NNT: variants seen among roughly 807,000 people sequenced by gnomAD.
NNT encodes the protein NAD(P) transhydrogenase, mitochondrial.
Under a neutral mutation model 104.8 loss-of-function variants are expected in NNT, and 50 were observed. The observed-to-expected ratio is 0.48, with a 90% confidence interval of 0.38 to 0.60. NNT has a LOEUF of 0.60. Among genes scored for constraint, NNT ranks in the 20% least tolerant of loss-of-function variants. NNT has a pLI of 0.00. For missense variants in NNT, 1,131 were observed against 1,330.7 expected, an observed-to-expected ratio of 0.85 and a Z score of 2.33; for synonymous variants, 461 against 490.4, an observed-to-expected ratio of 0.94 and a Z score of 0.79.
intron 19 of NNT, among the ~76,000 whole-genome samples, chr5:43,687,329 A>G (rs544763358): frequency 5.9e-5 from 9 of 152,308 alleles, no homozygotes; most frequent in Non-Finnish European, 1.2e-4. Context: ...GATAATGTTC[A>G]TAGTTGAAAG....
chr5:43,630,188 A>T (rs1183634344), intron 7 of NNT, among the ~76,000 whole-genome samples: 1 of 152,188 alleles, frequency 6.6e-6, no homozygotes, highest in Non-Finnish European at 1.5e-5. Flanking sequence ...ATTCTTCTGC[A>T]TGTGGCTTGC....
At chr5:43,635,894 CAT>C (rs1263760609) in intron 7 of NNT, among the ~76,000 whole-genome samples, 1 of 152,156 alleles carries the variant, frequency 6.6e-6, no homozygotes, top group Admixed American at 6.6e-5. Context: ...AGGGCGTCAA[CAT>C]AGGAATTTTG....
At chr5:43,703,606 T>A (rs903208361) in intron 21 of NNT, among the ~76,000 whole-genome samples, 3 of 152,176 alleles carry the variant, frequency 2.0e-5, no homozygotes, top group Non-Finnish European at 4.4e-5. Flanking sequence ...AGACTTTTCA[T>A]TTCATTAAGA....
chr5:43,624,008 C>T (rs1750231966), intron 5 of NNT, 24 bp from the exon 6 acceptor site: 1 of 1,608,934 alleles, frequency 6.2e-7, no homozygotes, highest in South Asian at 1.1e-5. Context: ...TGAGCCTTAA[C>T]ACATAACTGG....
rs1296473676 is a variant in NNT at position 43,699,084 on chromosome 5, A to G, written c.2877-1035A>G. On this transcript the variant is annotated intron_variant, in intron 19 of 21. Transcript: ENST00000344920. ...CTATGTGCCACACACTGTTCTTAGT[A>G]CTGTGGAGACAGATAAATACTGGGC... Among the ~76,000 whole-genome samples, 3 of 152,174 alleles carry G rather than the reference A, an allele frequency of 2.0e-5. No homozygotes were observed. The East Asian group carries it at 5.8e-4, about 29-fold the overall frequency.
intron 17 of NNT, among the ~76,000 whole-genome samples, chr5:43,663,445 C>G (rs1396448786): frequency 6.6e-6 from 1 of 152,190 alleles, no homozygotes; most frequent in Non-Finnish European, 1.5e-5. Context: ...CAGAAACCAA[C>G]AAATACAAGC....
chr5:43,697,698 G>A lies in NNT; in HGVS notation c.2877-2421G>A, dbSNP rs762702608. Among the ~76,000 whole-genome samples the A allele has an allele frequency of 2.6e-5, 4 of 152,164 alleles. No individual in the cohort carries two copies. The East Asian group carries it at 5.8e-4, about 22-fold the overall frequency. ...CATTCATGGCAGAAGGCAAGGAGGA[G>A]CAAGTCACATCTTATGTGGATGGTG... On this transcript the variant is annotated intron_variant, in intron 19 of 21. Coordinates refer to ENST00000344920, the MANE Select transcript of NNT (RefSeq NM_182977.3).
chr5:43,633,658 C>T (rs893027078), intron 7 of NNT, among the ~76,000 whole-genome samples: 3 of 152,174 alleles, frequency 2.0e-5, no homozygotes, highest in Non-Finnish European at 2.9e-5. Flanking sequence ...TTTATGCCAG[C>T]GCTTGGCATA....
At position 43,610,165 on chromosome 5, in the gene NNT, A is replaced by G. The variant is rs1272421263; in HGVS notation, c.151+819A>G. Among the ~76,000 whole-genome samples the G allele has an allele frequency of 8.6e-5, 13 of 150,910 alleles. 1 individual carries two copies. Among genetic ancestry groups the G allele is most frequent in the Admixed American group, 7.9e-4 (12 of 15,162 alleles). On this transcript the variant is annotated intron_variant, in intron 2 of 21. Transcript: ENST00000344920. ...GTACAGGCCAGAAGGAGGAGAGGCT[A>G]AAAAGGGGCCCTTCTAAACCAAGTC... is the stretch of plus-strand genomic sequence containing the variant.
chr5:43,613,280 C>T (rs181574076), intron 3 of NNT, 143 bp downstream of exon 3: 23 of 633,416 alleles, frequency 3.6e-5, no homozygotes, highest in East Asian at 3.4e-4. Context: ...GACTGCATGT[C>T]GTCATATTCT....
At position 43,666,757 on chromosome 5, in the gene NNT, A is replaced by C. The variant is rs981893104; in HGVS notation, c.2634+7407A>C. The C allele has an allele frequency of 2.4e-6, 3 of 1,263,370 alleles. No individual in the cohort carries two copies. The East Asian group carries it at 6.9e-5, about 29-fold the overall frequency. 78.3% of individuals were successfully genotyped at this position (1,263,370 alleles called of 1,614,324 possible). ...CCAGTCCTTCTGTCCTCACGTTGGC[A>C]GAGATATCTACTCTGAAGGCTTTGT... On this transcript the variant is annotated intron_variant, in intron 17 of 21. Coordinates refer to ENST00000344920, the MANE Select transcript of NNT (RefSeq NM_182977.3).
At chr5:43,646,495 C>T (rs1739451385) in intron 10 of NNT, among the ~76,000 whole-genome samples, 1 of 149,322 alleles carries the variant, frequency 6.7e-6, no homozygotes, top group Non-Finnish European at 1.5e-5. Flanking sequence ...GACGGGGCTT[C>T]ACCGTGTTGC....
intron 16 of NNT, 95 bp downstream of exon 16, chr5:43,656,908 C>T: frequency 2.6e-6 from 3 of 1,175,994 alleles, no homozygotes; most frequent in Non-Finnish European, 2.4e-6. Flanking sequence ...TCTTCAAGAA[C>T]CTTGATGGAA....
chr5:43,666,408 C>G (rs549446134), intron 17 of NNT, among the ~76,000 whole-genome samples: 12 of 152,170 alleles, frequency 7.9e-5, no homozygotes, highest in Non-Finnish European at 1.3e-4. Flanking sequence ...CCGGCCAACA[C>G]GGCGAAACCC....
At chr5:43,667,101 G>A (rs1349937014) in intron 17 of NNT, 3 of 1,556,144 alleles carry the variant, frequency 1.9e-6, no homozygotes, top group Non-Finnish European at 2.6e-6. Context: ...TCTTGGCAAA[G>A]TGCATGTTCC....
chr5:43,695,849 C>G (rs1166927768), intron 19 of NNT, among the ~76,000 whole-genome samples: 1 of 152,100 alleles, frequency 6.6e-6, no homozygotes, highest in Non-Finnish European at 1.5e-5. Flanking sequence ...CAGGGAAACT[C>G]CTTCTTATAA....
rs145992514 is a variant in NNT, at chr5:43,697,842, C to G, written c.2877-2277C>G. 5.7e-3 allele frequency among the ~76,000 whole-genome samples: 872 copies of G among 152,258 alleles called. 7 individuals carry two copies. The highest frequency in any genetic ancestry group is 0.019 in the African/African-American group (793 of 41,520). ...ATCATCAGGTCTTGTGAAACTTATT[C>G]ACTATCACGAGACCAGCATGGGAAA... On this transcript the variant is annotated intron_variant, in intron 19 of 21. Coordinates refer to ENST00000344920, the MANE Select transcript of NNT (RefSeq NM_182977.3).
At chr5:43,609,390 T>C in intron 2 of NNT, 44 bp downstream of exon 2, 1 of 1,580,310 alleles carries the variant, frequency 6.3e-7, no homozygotes, top group Non-Finnish European at 8.7e-7. Flanking sequence ...CTTCAAGTCA[T>C]AGGAACTAAT....
chr5:43,637,287 C>G (rs1750980854), intron 7 of NNT, among the ~76,000 whole-genome samples: 2 of 152,116 alleles, frequency 1.3e-5, no homozygotes, highest in African/African-American at 4.8e-5. Context: ...CACTTTCTTG[C>G]CATATTCTAT....
Sources: gnomAD v4.1 joint callset for allele counts (sites outside exome capture counted in the v4.1 genomes callset) on GRCh38, gnomAD v4.1.1 for gene constraint, MANE v1.5 for transcripts, NCBI Gene and HGNC (gene_info 2026-07-23, HGNC 2026-07-21) for gene names.